Variants in RSRC1 observed in about 807,000 individuals in gnomAD.
RSRC1 encodes the protein arginine and serine rich coiled-coil 1.
RSRC1 carries 39 observed loss-of-function variants against 49.1 expected under a neutral mutation model. That is an observed-to-expected ratio of 0.79 (90% CI 0.61 to 1.04). The LOEUF (loss-of-function observed/expected upper bound fraction) is 1.04. Ranked by LOEUF, RSRC1 falls within the 50% of genes least tolerant of loss-of-function variation. The pLI is 0.00. For synonymous variants in RSRC1, 143 were observed against 130.8 expected, an observed-to-expected ratio of 1.09 and a Z score of -0.63; for missense variants, 388 against 402.4, an observed-to-expected ratio of 0.96 and a Z score of 0.31.
chr3:158,384,128 C>G (rs935627035), intron 6 of RSRC1, among the ~76,000 whole-genome samples: 1 of 152,046 alleles, frequency 6.6e-6, no homozygotes, highest in Non-Finnish European at 1.5e-5. Context: ...GTCATACTCT[C>G]AAAACTTGGG....
intron 3 of RSRC1, among the ~76,000 whole-genome samples, chr3:158,131,148 A>G (rs1715996560): frequency 6.6e-6 from 1 of 151,174 alleles, no homozygotes; most frequent in Admixed American, 6.6e-5. Context: ...TTGTTTATAT[A>G]TATATTTTTA....
At chr3:158,163,167 T>G (rs1040847990) in intron 3 of RSRC1, among the ~76,000 whole-genome samples, 1 of 152,102 alleles carries the variant, frequency 6.6e-6, no homozygotes, top group African/African-American at 2.4e-5. Flanking sequence ...CATAGCTGGC[T>G]AATTTTTATA....
At chr3:158,243,626 T>C (rs570877649) in intron 4 of RSRC1, among the ~76,000 whole-genome samples, 2 of 152,326 alleles carry the variant, frequency 1.3e-5, no homozygotes, top group East Asian at 3.9e-4. Flanking sequence ...ATCTATAAAT[T>C]GCTTTGGGCA....
At chr3:158,370,080 T>A (rs1731982361) in intron 6 of RSRC1, among the ~76,000 whole-genome samples, 1 of 152,012 alleles carries the variant, frequency 6.6e-6, no homozygotes, top group African/African-American at 2.4e-5. Flanking sequence ...TTTTGTCCTA[T>A]TTTGGTTTTA....
chr3:158,249,687 A>G (rs986458045), intron 4 of RSRC1, among the ~76,000 whole-genome samples: 53 of 151,894 alleles, frequency 3.5e-4, no homozygotes, highest in Admixed American at 3.5e-3. Context: ...ATTTATTTTT[A>G]TTTTTTTGGG....
chr3:158,144,098 A>G (rs1246416554), intron 3 of RSRC1, among the ~76,000 whole-genome samples: 1 of 152,228 alleles, frequency 6.6e-6, no homozygotes, highest in African/African-American at 2.4e-5. Context: ...TGTAAGTAGA[A>G]TAAACACCTT....
chr3:158,532,320 G>A (rs1269826828), intron 7 of RSRC1, among the ~76,000 whole-genome samples: 2 of 151,726 alleles, frequency 1.3e-5, no homozygotes, highest in African/African-American at 4.8e-5. Flanking sequence ...TCAGTTCTCA[G>A]CCTGGCATTG....
At chr3:158,241,616 A>G (rs1219369829) in intron 4 of RSRC1, among the ~76,000 whole-genome samples, 3 of 152,142 alleles carry the variant, frequency 2.0e-5, no homozygotes, top group East Asian at 3.8e-4. Context: ...GTGAAAACCC[A>G]GAGAATAAGC....
chr3:158,287,132 C>T (rs1253151712), intron 4 of RSRC1, among the ~76,000 whole-genome samples: 1 of 152,094 alleles, frequency 6.6e-6, no homozygotes, highest in East Asian at 1.9e-4. Context: ...AGCCTTTTCC[C>T]TCAGTTTTAA....
At chr3:158,421,642 G>T (rs1491003540) in intron 6 of RSRC1, among the ~76,000 whole-genome samples, 1 of 151,780 alleles carries the variant, frequency 6.6e-6, no homozygotes, top group African/African-American at 2.4e-5. Context: ...GGCACCCAGA[G>T]AATTTGAGAT....
chr3:158,169,580 A>G (rs896069921), intron 3 of RSRC1, among the ~76,000 whole-genome samples: 1 of 152,140 alleles, frequency 6.6e-6, no homozygotes, highest in African/African-American at 2.4e-5. Flanking sequence ...CTCCTAGAGT[A>G]CAATTATTGC....
At chr3:158,224,135 G>A (rs1722381964) in intron 4 of RSRC1, among the ~76,000 whole-genome samples, 1 of 151,736 alleles carries the variant, frequency 6.6e-6, no homozygotes, top group African/African-American at 2.4e-5. Flanking sequence ...TGGTACTGAA[G>A]TAAGATTTAT....
At chr3:158,413,016 A>G (rs188740934) in intron 6 of RSRC1, among the ~76,000 whole-genome samples, 1 of 152,198 alleles carries the variant, frequency 6.6e-6, no homozygotes, top group Non-Finnish European at 1.5e-5. Flanking sequence ...GAACCAAAAA[A>G]GAGTCTGCAT....
chr3:158,164,822 T>C (rs1163705355), intron 3 of RSRC1, among the ~76,000 whole-genome samples: 1 of 152,172 alleles, frequency 6.6e-6, no homozygotes, highest in African/African-American at 2.4e-5. Context: ...GCTAAGTTTG[T>C]ATAGAATTTA....
chr3:158,443,769 C>A (rs935331723), intron 6 of RSRC1, among the ~76,000 whole-genome samples: 27 of 152,138 alleles, frequency 1.8e-4, no homozygotes, highest in African/African-American at 6.3e-4. Context: ...TTTTGACATG[C>A]GTTCTCACTA....
chr3:158,314,153 C>T (rs1488564582), intron 5 of RSRC1, among the ~76,000 whole-genome samples: 4 of 152,122 alleles, frequency 2.6e-5, no homozygotes, highest in East Asian at 3.9e-4. Flanking sequence ...TGCAGTGGCA[C>T]GATCTCAGCT....
chr3:158,515,227 C>T lies in RSRC1; in HGVS notation c.653-21865C>T, dbSNP rs540250833. Among the ~76,000 whole-genome samples the T allele has an allele frequency of 1.7e-3, 262 of 152,178 alleles. 1 individual carries two copies. Among genetic ancestry groups the T allele is most frequent in the African/African-American group, 6.0e-3 (249 of 41,532 alleles). On this transcript the variant is annotated intron_variant, in intron 7 of 9. Transcript: ENST00000611884. ...CTTCCTAGTTGGCATGATTTTGCAG[C>T]GGCTGATATTGGTTGTTCCTTTCCA...
rs996280297 is a variant in RSRC1 at position 158,390,954 on chromosome 3, ATTAC to A, written c.583+36050_583+36053del. 2.1e-3 allele frequency among the ~76,000 whole-genome samples: 313 copies of A among 152,224 alleles called. 3 individuals are homozygous for A. Among genetic ancestry groups the A allele is most frequent in the African/African-American group, 7.0e-3 (292 of 41,540 alleles). Reference sequence around the variant, plus strand: ...AAATATATTACAATGACTCTCCAAAATTACTTATTATTTTTTCTGTGTAATGGAA... The same window carrying A: ...AAATATATTACAATGACTCTCCAAAATTATTATTTTTTCTGTGTAATGGAA... On this transcript the variant is annotated intron_variant, in intron 6 of 9. Transcript: ENST00000611884.
intron 1 of RSRC1, among the ~76,000 whole-genome samples, chr3:158,118,450 T>TGTGTGTGC (rs1559906480): frequency 7.2e-6 from 1 of 138,008 alleles, no homozygotes; most frequent in African/African-American, 2.8e-5. Flanking sequence ...TGTGTGTGTG[T>TGTGTGTGC]GTGTGTGTGT....
Sources: gnomAD v4.1 joint callset for allele counts (sites outside exome capture counted in the v4.1 genomes callset) on GRCh38, gnomAD v4.1.1 for gene constraint, MANE v1.5 for transcripts, NCBI Gene and HGNC (gene_info 2026-07-23, HGNC 2026-07-21) for gene names.